The following RFTN2 variants were observed in gnomAD, a reference collection of about 807,000 sequenced individuals.
RFTN2 encodes the protein raftlin-2.
In RFTN2, 34 loss-of-function variants were observed where a neutral mutation model predicts 52.7. The ratio of observed to expected loss-of-function variants is 0.64; its 90% CI spans 0.49 to 0.86. The LOEUF (loss-of-function observed/expected upper bound fraction) is 0.86. Among genes scored for constraint, RFTN2 ranks in the 40% least tolerant of loss-of-function variants. The pLI is 0.00. For missense variants in RFTN2, 536 were observed against 600.1 expected (o/e 0.89, Z 1.12); for synonymous variants, 203 against 217.7 (o/e 0.93, Z 0.59).
chr2:197,631,216 T>A lies in RFTN2; in HGVS notation c.723A>T (p.Ser241=), dbSNP rs772111440. The change falls in exon 5 of 9, where the codon TCA becomes TCT. Residue 241 remains serine (S), a synonymous_variant. Transcript: ENST00000295049. ...TGAAGACTGTATACAATTTGTTATC[T>A]GAGGCTAGGCATTCAGAAGGAGAAA... ...TSSKSRKGEA[S]DNKLYTVFNA... is the part of the protein sequence containing the mutation. 14 of 1,606,738 alleles carry A rather than the reference T, an allele frequency of 8.7e-6. No homozygotes were observed. The Admixed American group carries it at 1.0e-4, about 12-fold the overall frequency.
In RFTN2 at chr2:197,633,680, C is replaced by T. The variant is rs1429390473; in HGVS notation, c.718+38G>A. ...ACCTCAAAAACTTATTTTGCTTAAA[C>T]TATAGTATATTCTCTTTCTACTAAT... On this transcript the variant is annotated intron_variant, in intron 4 of 8. Coordinates refer to ENST00000295049, the MANE Select transcript of RFTN2 (RefSeq NM_144629.3). The T allele has an allele frequency of 2.6e-6, 4 of 1,550,598 alleles. No homozygotes were observed. In the African/African-American group the frequency reaches 4.1e-5, roughly 16 times the overall value.
chr2:197,620,545 T>C (rs2088245937), intron 5 of RFTN2, among the ~76,000 whole-genome samples: 1 of 152,252 alleles, frequency 6.6e-6, no homozygotes, highest in Admixed American at 6.5e-5. Context: ...TTTAATGTAA[T>C]TTTCTGTTTT....
intron 8 of RFTN2, among the ~76,000 whole-genome samples, chr2:197,575,006 C>T (rs1439954387): frequency 2.0e-5 from 3 of 152,170 alleles, no homozygotes; most frequent in Non-Finnish European, 2.9e-5. Context: ...GCTGTGTCCT[C>T]ACCCAAATCT....
chr2:197,619,784 T>TA (rs1240340514), intron 5 of RFTN2, among the ~76,000 whole-genome samples: 783 of 147,844 alleles, frequency 5.3e-3, no homozygotes, highest in Non-Finnish European at 7.4e-3. Flanking sequence ...AAAATAAAAT[T>TA]AAAAAAAAAC....
At chr2:197,580,457 C>T (rs2087487580) in intron 8 of RFTN2, among the ~76,000 whole-genome samples, 1 of 152,196 alleles carries the variant, frequency 6.6e-6, no homozygotes, top group Non-Finnish European at 1.5e-5. Flanking sequence ...AAGCCATATC[C>T]CATCTGTGCA....
chr2:197,631,432 T>C (rs766763199), intron 4 of RFTN2, among the ~76,000 whole-genome samples: 1 of 152,220 alleles, frequency 6.6e-6, no homozygotes, highest in Non-Finnish European at 1.5e-5. Flanking sequence ...CCTCTAATTC[T>C]ATTCTCCAGA....
At chr2:197,614,501 T>G (rs781716998) in intron 7 of RFTN2, among the ~76,000 whole-genome samples, 1 of 152,202 alleles carries the variant, frequency 6.6e-6, no homozygotes, top group Non-Finnish European at 1.5e-5. Context: ...ACCTAGGTAC[T>G]GAGAGGACAC....
chr2:197,674,339 CA>C (rs1222944678), intron 1 of RFTN2, among the ~76,000 whole-genome samples: 310 of 34,202 alleles, frequency 9.1e-3, no homozygotes, highest in Middle Eastern at 0.038. Flanking sequence ...TAGAGCAAAG[CA>C]AAAAAAAAAA....
At chr2:197,655,379 G>A (rs559460053) in intron 1 of RFTN2, among the ~76,000 whole-genome samples, 1 of 152,222 alleles carries the variant, frequency 6.6e-6, no homozygotes, top group African/African-American at 2.4e-5. Context: ...ATTGTCTTAA[G>A]TCTTACCATA....
intron 7 of RFTN2, among the ~76,000 whole-genome samples, chr2:197,605,457 C>T (rs538428132): frequency 1.2e-4 from 19 of 152,074 alleles, no homozygotes; most frequent in Admixed American, 2.6e-4. Flanking sequence ...CCTCATGATC[C>T]GCCCGCCTTG....
chr2:197,627,623 T>A (rs1010421503), intron 5 of RFTN2, among the ~76,000 whole-genome samples: 3 of 152,146 alleles, frequency 2.0e-5, no homozygotes, highest in African/African-American at 7.2e-5. Flanking sequence ...AAAGAATTCT[T>A]AAAAAATCAA....
At chr2:197,595,904 C>A in intron 8 of RFTN2, 87 bp downstream of exon 8, 1 of 925,190 alleles carries the variant, frequency 1.1e-6, no homozygotes, top group South Asian at 1.5e-5. Flanking sequence ...ATCATGTCCA[C>A]GCTTTCTTAT....
intron 7 of RFTN2, 130 bp from the exon 8 acceptor site, chr2:197,596,199 CT>C (rs1270386620): frequency 1.9e-5 from 9 of 473,808 alleles, no homozygotes; most frequent in Non-Finnish European, 2.9e-5. Flanking sequence ...AAATATAAAT[CT>C]TTTTTTTCTT....
Position 197,633,746 on chromosome 2 carries a change from A to T in RFTN2, c.690T>A (p.Pro230=), listed in dbSNP as rs546052549. The change falls in exon 4 of 9, where the codon CCT becomes CCA. Residue 230 remains proline (P), a synonymous_variant. Transcript: ENST00000295049. The part of the protein sequence containing the change: ...GQYQMEQNGS[P]TSSKSRKGEA... ...CTCCCTTTCTTGATTTAGAGGAAGTAGGGCTGCCATTTTGTTCCATTTGAT... is the reference window on the plus strand; with the variant it reads ...CTCCCTTTCTTGATTTAGAGGAAGTTGGGCTGCCATTTTGTTCCATTTGAT... 6.2e-7 allele frequency: 1 copy of T among 1,613,560 alleles called. No homozygotes were observed. Among genetic ancestry groups the T allele is most frequent in the Non-Finnish European group, 8.5e-7 (1 of 1,179,608 alleles).
chr2:197,573,539 T>C (rs1453860367), intron 8 of RFTN2, among the ~76,000 whole-genome samples: 2 of 152,186 alleles, frequency 1.3e-5, no homozygotes, highest in Non-Finnish European at 2.9e-5. Context: ...AAGATATGGT[T>C]TGGAATTGGA....
At chr2:197,673,348 C>A (rs2089172830) in intron 1 of RFTN2, among the ~76,000 whole-genome samples, 1 of 152,118 alleles carries the variant, frequency 6.6e-6, no homozygotes, top group Non-Finnish European at 1.5e-5. Context: ...AGAAGAGCAG[C>A]AGGGAAACTA....
intron 8 of RFTN2, among the ~76,000 whole-genome samples, chr2:197,582,068 G>C (rs1308753126): frequency 6.6e-6 from 1 of 152,220 alleles, no homozygotes; most frequent in Non-Finnish European, 1.5e-5. Flanking sequence ...ACGGTGTCCT[G>C]TAGCCATTTT....
At position 197,635,546 on chromosome 2, in the gene RFTN2, T is replaced by G. The variant is rs1207460191; in HGVS notation, c.439-1549A>C. The stretch of plus-strand genomic sequence containing the variant: ...TGCATAAATGTCTTCTTTTGAGAAG[T>G]GTCTGTTCATGTCCTTCGCCCACTT... On this transcript the variant is annotated intron_variant, in intron 3 of 8. Coordinates refer to ENST00000295049, the MANE Select transcript of RFTN2 (RefSeq NM_144629.3). 4.6e-3 allele frequency among the ~76,000 whole-genome samples: 694 copies of G among 150,824 alleles called. 2 individuals are homozygous for G. The highest frequency in any genetic ancestry group is 0.016 in the African/African-American group (667 of 41,204).
chr2:197,572,332 T>C lies in RFTN2; in HGVS notation c.1234-52A>G, dbSNP rs780024022. The C allele has an allele frequency of 1.9e-6, 3 of 1,573,630 alleles. No homozygotes were observed. The Admixed American group carries it at 5.0e-5, about 26-fold the overall frequency. On this transcript the variant is annotated intron_variant, in intron 8 of 8. Coordinates refer to ENST00000295049, the MANE Select transcript of RFTN2 (RefSeq NM_144629.3). ...GAGAGTTAAAAAGATGGGTGTTTCC[T>C]GTCCCTCTGGTCTAGCACATGCTGC...
Sources: allele counts gnomAD v4.1 joint callset (sites outside exome capture counted in the v4.1 genomes callset), GRCh38; gene constraint gnomAD v4.1.1; transcripts MANE v1.5; gene names NCBI Gene and HGNC (gene_info 2026-07-23, HGNC 2026-07-21).